Variants in SAMTOR observed in about 807,000 individuals in gnomAD.
The protein encoded by SAMTOR is S-adenosylmethionine sensor upstream of mTORC1, also known as UPF0532 protein C7orf60.
At chr7:112,904,085 A>G in the SAMTOR span, among the ~76,000 whole-genome samples, 1 of 152,238 alleles carries the variant, frequency 6.6e-6, no homozygotes, top group Non-Finnish European at 1.5e-5. Flanking sequence ...TACAAAGAAG[A>G]AATTCCATGA....
At chr7:112,852,581 C>T in the SAMTOR span, among the ~76,000 whole-genome samples, 1 of 151,952 alleles carries the variant, frequency 6.6e-6, no homozygotes, top group Non-Finnish European at 1.5e-5. Context: ...TTTGTACTCC[C>T]CAAATCTATT....
the SAMTOR span, among the ~76,000 whole-genome samples, chr7:112,936,004 C>T: frequency 2.6e-5 from 4 of 152,040 alleles, no homozygotes; most frequent in African/African-American, 9.7e-5. Flanking sequence ...GTTTGAAAAG[C>T]GAAACTAGTT....
the SAMTOR span, among the ~76,000 whole-genome samples, chr7:112,826,667 G>A: frequency 6.6e-6 from 1 of 151,812 alleles, no homozygotes; most frequent in Admixed American, 6.6e-5. Context: ...TGGATTTACT[G>A]CTCTTCTTTT....
chr7:112,917,277 G>A, the SAMTOR span, among the ~76,000 whole-genome samples: 5 of 152,216 alleles, frequency 3.3e-5, no homozygotes, highest in Non-Finnish European at 5.9e-5. Flanking sequence ...CGATCAGACA[G>A]CAGCATTCGC....
the SAMTOR span, among the ~76,000 whole-genome samples, chr7:112,881,909 C>T: frequency 1.3e-5 from 2 of 152,234 alleles, no homozygotes; most frequent in African/African-American, 2.4e-5. Context: ...CCCCCTACCC[C>T]GCTTGACACA....
At chr7:112,853,536 A>C in the SAMTOR span, among the ~76,000 whole-genome samples, 2 of 152,100 alleles carry the variant, frequency 1.3e-5, no homozygotes, top group Admixed American at 6.5e-5. Context: ...ATTTTGAACT[A>C]CTCAAGACAT....
At chr7:112,869,621 T>A in the SAMTOR span, among the ~76,000 whole-genome samples, 2 of 151,670 alleles carry the variant, frequency 1.3e-5, no homozygotes, top group Non-Finnish European at 2.9e-5. Context: ...ACCAGTTTCC[T>A]CGGATGAGAA....
chr7:112,927,448 G>T, the SAMTOR span, among the ~76,000 whole-genome samples: 1 of 151,960 alleles, frequency 6.6e-6, no homozygotes, highest in East Asian at 1.9e-4. Context: ...AACTCTCAAT[G>T]AATTAATAAT....
the SAMTOR span, among the ~76,000 whole-genome samples, chr7:112,891,724 T>A: frequency 1.3e-5 from 2 of 152,226 alleles, no homozygotes; most frequent in African/African-American, 2.4e-5. Flanking sequence ...GCAATAGCAT[T>A]GTCTAAAAAA....
chr7:112,837,902 C>T, the SAMTOR span, among the ~76,000 whole-genome samples: 3 of 151,876 alleles, frequency 2.0e-5, no homozygotes, highest in East Asian at 1.9e-4. Context: ...ACATTGAACT[C>T]GTGGCCAACA....
the SAMTOR span, among the ~76,000 whole-genome samples, chr7:112,858,441 TA>T: frequency 6.6e-6 from 1 of 151,616 alleles, no homozygotes; most frequent in African/African-American, 2.4e-5. Context: ...TATAAGAAAA[TA>T]GAAGATAATA....
chr7:112,916,642 C>T, the SAMTOR span, among the ~76,000 whole-genome samples: 1,623 of 152,274 alleles, frequency 0.011, 30 homozygotes, highest in African/African-American at 0.037. Context: ...GGGCGAGGCA[C>T]TGCCTCACTT....
chr7:112,869,133 C>A, the SAMTOR span, among the ~76,000 whole-genome samples: 1 of 152,158 alleles, frequency 6.6e-6, no homozygotes, highest in Admixed American at 6.5e-5. Context: ...GGGGCAACAG[C>A]AAAGCCAAGG....
the SAMTOR span, among the ~76,000 whole-genome samples, chr7:112,903,369 A>AAG: frequency 1.3e-5 from 2 of 151,982 alleles, no homozygotes; most frequent in Admixed American, 1.3e-4. Flanking sequence ...AAAAATGATG[A>AAG]ATTTTTCTAG....
the SAMTOR span, among the ~76,000 whole-genome samples, chr7:112,896,231 G>GTA: frequency 6.6e-6 from 1 of 151,884 alleles, no homozygotes; most frequent in Admixed American, 6.6e-5. Context: ...GTATGTATGT[G>GTA]TATATATATG....
At chr7:112,920,252 TG>T in the SAMTOR span, among the ~76,000 whole-genome samples, 1 of 152,210 alleles carries the variant, frequency 6.6e-6, no homozygotes, top group Admixed American at 6.5e-5. Context: ...TTATCCGCCA[TG>T]ATCAAGTGGG....
chr7:112,857,297 T>C, the SAMTOR span, among the ~76,000 whole-genome samples: 1 of 148,120 alleles, frequency 6.8e-6, no homozygotes, highest in African/African-American at 2.6e-5. Context: ...TTCACCTTGT[T>C]AGCCAGGATG....
At chr7:112,913,994 G>T in the SAMTOR span, among the ~76,000 whole-genome samples, 1 of 152,156 alleles carries the variant, frequency 6.6e-6, no homozygotes, top group East Asian at 1.9e-4. Flanking sequence ...CAAGGATTTT[G>T]TGAGTTTTAT....
At chr7:112,865,425 A>G in the SAMTOR span, among the ~76,000 whole-genome samples, 1 of 151,932 alleles carries the variant, frequency 6.6e-6, no homozygotes, top group Non-Finnish European at 1.5e-5. Flanking sequence ...TTACAGGCAC[A>G]CGCCACCATA....
Sources: gnomAD v4.1 joint callset for allele counts (sites outside exome capture counted in the v4.1 genomes callset) on GRCh38, gnomAD v4.1.1 for gene constraint, MANE v1.5 for transcripts, NCBI Gene and HGNC (gene_info 2026-07-23, HGNC 2026-07-21) for gene names.